Variants in NFASC observed in about 807,000 individuals in gnomAD.
NFASC encodes the protein neurofascin homolog.
NFASC carries 43 observed loss-of-function variants against 147.5 expected under a neutral mutation model. That is an observed-to-expected ratio of 0.29 (90% confidence interval 0.23 to 0.38). The LOEUF is 0.38. Among genes scored for constraint, NFASC ranks in the 10% least tolerant of loss-of-function variants. NFASC has a pLI of 1.00. For synonymous variants in NFASC, 622 were observed against 665.5 expected, an observed-to-expected ratio of 0.93 and a Z score of 1.01; for missense variants, 1,320 against 1,689.0, an observed-to-expected ratio of 0.78 and a Z score of 3.83.
intron 8 of NFASC, among the ~76,000 whole-genome samples, chr1:204,963,162 G>A (rs1431111651): frequency 2.6e-5 from 4 of 152,188 alleles, no homozygotes; most frequent in Non-Finnish European, 5.9e-5. Context: ...GGATGAGGGA[G>A]CGCGAGCCAG....
chr1:204,977,542 G>A, intron 16 of NFASC, 139 bp from the exon 17 acceptor site: 1 of 646,434 alleles, frequency 1.5e-6, no homozygotes, highest in Non-Finnish European at 2.6e-6. Flanking sequence ...ATTCCCCATG[G>A]AAGGACGGGG....
At chr1:204,877,085 ATT>A (rs1299211576) in intron 1 of NFASC, among the ~76,000 whole-genome samples, 2 of 117,368 alleles carry the variant, frequency 1.7e-5, no homozygotes, top group African/African-American at 6.9e-5. Flanking sequence ...TATATAATAT[ATT>A]TATTTATATA....
At chr1:204,930,734 G>A (rs916560368) in intron 2 of NFASC, among the ~76,000 whole-genome samples, 3 of 152,222 alleles carry the variant, frequency 2.0e-5, no homozygotes, top group East Asian at 3.8e-4. Flanking sequence ...CCCACTTAGG[G>A]CCTTGGCAAA....
intron 2 of NFASC, among the ~76,000 whole-genome samples, chr1:204,926,396 ATATATATATATTTTTTTTTTTT>A (rs1414888192): frequency 0.11 from 3,993 of 35,542 alleles, 127 homozygotes; most frequent in African/African-American, 0.15. Flanking sequence ...ATATATATAT[ATATATATATATTTTTTTTTTTT>A]TTTTTTTTTT....
At chr1:204,931,345 C>T in intron 2 of NFASC, among the ~76,000 whole-genome samples, 1 of 152,216 alleles carries the variant, frequency 6.6e-6, no homozygotes, top group Admixed American at 6.5e-5. Flanking sequence ...TATTTCAGCT[C>T]CTCTCTCTCA....
At chr1:205,013,366 C>T (rs1012572198) in intron 29 of NFASC, among the ~76,000 whole-genome samples, 10 of 152,124 alleles carry the variant, frequency 6.6e-5, no homozygotes, top group Non-Finnish European at 1.2e-4. Flanking sequence ...GGTCGTTTCT[C>T]CTTGAACTTG....
chr1:204,991,329 A>G lies in NFASC; in HGVS notation c.2782+23A>G, dbSNP rs755447096. 5 of 1,611,086 alleles carry G rather than the reference A, an allele frequency of 3.1e-6. No homozygotes were observed. In the South Asian group the frequency reaches 5.5e-5, roughly 18 times the overall value. On this transcript the variant is annotated intron_variant, in intron 24 of 29. Coordinates refer to ENST00000339876, the MANE Select transcript of NFASC (RefSeq NM_001005388.3). ...CAGGTACCGTACCAGCCGCGGAGGT[A>G]ATGGGCATGGCATGGGGCAGCGCAG...
rs776251562 is a variant in NFASC at position 204,970,757 on chromosome 1, G to A, written c.1135+10G>A. ...GGGGAACCTTTGCAATGTAAGTAGC[G>A]AGCTGTTGTCCCATCTGACTCTCAT... On this transcript the variant is annotated intron_variant, in intron 11 of 29. Transcript: ENST00000339876. The A allele has an allele frequency of 6.8e-6, 11 of 1,614,036 alleles. No homozygotes were observed. The highest frequency in any genetic ancestry group is 3.3e-5 in the Admixed American group (2 of 60,000).
intron 1 of NFASC, among the ~76,000 whole-genome samples, chr1:204,916,722 G>GTTTGTTTGTTTGTTT (rs2089356028): frequency 6.6e-6 from 1 of 151,110 alleles, no homozygotes; most frequent in Admixed American, 6.6e-5. Context: ...TTTTTTGTTT[G>GTTTGTTTGTTTGTTT]TTTGTTTTTT....
rs1374566682 is a variant in NFASC at position 204,987,023 on chromosome 1, C to T, written c.2471-395C>T. 1 of 192,766 alleles carries T rather than the reference C, an allele frequency of 5.2e-6. No homozygotes were observed. The highest frequency in any genetic ancestry group is 1.1e-5 in the Non-Finnish European group (1 of 94,054). The allele number at this position is 192,766 out of a possible 1,614,324, so 11.9% of individuals were successfully genotyped here. A position where few individuals can be genotyped will look rare whatever the true frequency, so the allele number is the denominator to read the frequency against. ...TGGACCCAGTGATGAGAATCCTTATCTGAGGATAGGGAACTGCAGCCTCTG... is the reference window on the plus strand; with the variant it reads ...TGGACCCAGTGATGAGAATCCTTATTTGAGGATAGGGAACTGCAGCCTCTG... On this transcript the variant is annotated intron_variant, in intron 21 of 29. Transcript: ENST00000339876. This position sits in a 1 kb window ranked among gnomAD's most constrained non-coding sequence, Gnocchi z 4.4.
Position 204,984,987 on chromosome 1 carries a change from A to C in NFASC, c.2471-2431A>C, listed in dbSNP as rs139028052. ...AAGAGAGGCTAGTCTCTTCCCAGGAAATGAATTTGGCCAGTAGGGGAAAGA... is the reference window on the plus strand; with the variant it reads ...AAGAGAGGCTAGTCTCTTCCCAGGACATGAATTTGGCCAGTAGGGGAAAGA... On this transcript the variant is annotated intron_variant, in intron 21 of 29. Transcript: ENST00000339876. Among the ~76,000 whole-genome samples the C allele has an allele frequency of 1.1e-3, 165 of 152,324 alleles. 1 individual carries two copies. The highest frequency in any genetic ancestry group is 3.8e-3 in the African/African-American group (159 of 41,584).
chr1:204,914,673 C>A (rs563756044), intron 1 of NFASC, among the ~76,000 whole-genome samples: 1 of 152,156 alleles, frequency 6.6e-6, no homozygotes, highest in South Asian at 2.1e-4. Context: ...TGTCAGAGAT[C>A]AAAAAGATTA....
chr1:204,937,356 A>G (rs111998869), intron 2 of NFASC, among the ~76,000 whole-genome samples: 3 of 152,278 alleles, frequency 2.0e-5, no homozygotes, highest in African/African-American at 7.2e-5. Flanking sequence ...TTGGAGTTCT[A>G]TGGGTTTGGA....
chr1:204,922,539 T>G (rs1323593038), intron 2 of NFASC, among the ~76,000 whole-genome samples: 1 of 152,228 alleles, frequency 6.6e-6, no homozygotes, highest in Non-Finnish European at 1.5e-5. Context: ...GCAAGGCTGC[T>G]GTCATCATTC....
intron 1 of NFASC, among the ~76,000 whole-genome samples, chr1:204,914,182 A>T (rs911684563): frequency 2.6e-5 from 4 of 152,226 alleles, no homozygotes; most frequent in Non-Finnish European, 4.4e-5. Flanking sequence ...ACTGCCCAGT[A>T]GAGAAATGGG....
intron 2 of NFASC, among the ~76,000 whole-genome samples, chr1:204,940,014 G>T (rs1352875289): frequency 6.6e-6 from 1 of 152,218 alleles, no homozygotes; most frequent in Non-Finnish European, 1.5e-5. Context: ...TGCTGAGTGA[G>T]CCCAGCCTGG....
intron 1 of NFASC, among the ~76,000 whole-genome samples, chr1:204,886,065 G>A (rs2081257577): frequency 6.6e-6 from 1 of 152,200 alleles, no homozygotes; most frequent in Admixed American, 6.5e-5. Flanking sequence ...TCCTTTTAGA[G>A]GGAATTTGAT....
At chr1:204,956,878 C>T (rs553368033) in intron 7 of NFASC, among the ~76,000 whole-genome samples, 1 of 151,280 alleles carries the variant, frequency 6.6e-6, no homozygotes, top group Admixed American at 6.6e-5. Flanking sequence ...GAAACCTGGT[C>T]TTTTGGGTTT....
chr1:204,952,261 T>C (rs957702430), intron 5 of NFASC, 145 bp downstream of exon 5: 7 of 644,780 alleles, frequency 1.1e-5, no homozygotes, highest in African/African-American at 1.8e-5. Context: ...GAAGGCATAA[T>C]TGAGGTACCA....
Sources: allele counts gnomAD v4.1 joint callset (sites outside exome capture counted in the v4.1 genomes callset), GRCh38; gene constraint gnomAD v4.1.1; non-coding constraint Gnocchi (gnomAD v3.1); transcripts MANE v1.5; gene names NCBI Gene and HGNC (gene_info 2026-07-23, HGNC 2026-07-21).